Variants in GALNT7 observed in about 807,000 individuals in gnomAD.
The protein encoded by GALNT7 is N-acetylgalactosaminyltransferase 7.
A neutral mutation model predicts 82.1 loss-of-function variants in GALNT7; 60 were observed. The observed-to-expected ratio is 0.73, with a 90% confidence interval of 0.59 to 0.91. The LOEUF (loss-of-function observed/expected upper bound fraction) is 0.91, where lower values mean the gene tolerates loss of function less well. GALNT7 is among the 40% of genes least tolerant of loss of function. The pLI, the probability that GALNT7 is intolerant of heterozygous loss-of-function variation, is 0.00. For synonymous variants in GALNT7, 243 were observed against 275.1 expected, an observed-to-expected ratio of 0.88 and a Z score of 1.15; for missense variants, 660 against 804.2, an observed-to-expected ratio of 0.82 and a Z score of 2.17.
chr4:173,306,647 A>G (rs1737165684), intron 8 of GALNT7, among the ~76,000 whole-genome samples: 1 of 152,218 alleles, frequency 6.6e-6, no homozygotes, highest in Non-Finnish European at 1.5e-5. Flanking sequence ...AATGTGGAGT[A>G]TCACATTTAC....
At chr4:173,211,070 A>G (rs1313168328) in intron 1 of GALNT7, among the ~76,000 whole-genome samples, 1 of 152,116 alleles carries the variant, frequency 6.6e-6, no homozygotes, top group East Asian at 1.9e-4. Context: ...TGTGTATTTT[A>G]TACTTCCAGT....
chr4:173,226,349 G>C (rs867352319), intron 1 of GALNT7, among the ~76,000 whole-genome samples: 1 of 151,846 alleles, frequency 6.6e-6, no homozygotes, highest in Admixed American at 6.6e-5. Context: ...ATATTACATC[G>C]GATAAACCAA....
intron 1 of GALNT7, among the ~76,000 whole-genome samples, chr4:173,202,583 C>A (rs558026343): frequency 6.6e-6 from 1 of 152,196 alleles, no homozygotes; most frequent in Non-Finnish European, 1.5e-5. Context: ...CAAATCCTGC[C>A]TCCTCCAGGA....
At chr4:173,289,607 A>G (rs1216614306) in intron 2 of GALNT7, among the ~76,000 whole-genome samples, 2 of 152,220 alleles carry the variant, frequency 1.3e-5, no homozygotes, top group African/African-American at 4.8e-5. Flanking sequence ...GGCACGCACA[A>G]AGTGCTGCTT....
chr4:173,255,847 C>T (rs978557457), intron 2 of GALNT7, among the ~76,000 whole-genome samples: 2 of 152,224 alleles, frequency 1.3e-5, no homozygotes, highest in Non-Finnish European at 2.9e-5. Flanking sequence ...GCCCCTTTCC[C>T]TCAGTGGGTC....
At chr4:173,172,199 A>C (rs892211554) in intron 1 of GALNT7, among the ~76,000 whole-genome samples, 6 of 152,240 alleles carry the variant, frequency 3.9e-5, no homozygotes, top group Admixed American at 2.0e-4. Context: ...ATACATTGGC[A>C]TGATTCCAGG....
chr4:173,245,355 A>C (rs999436749), intron 1 of GALNT7, among the ~76,000 whole-genome samples: 1 of 152,166 alleles, frequency 6.6e-6, no homozygotes, highest in African/African-American at 2.4e-5. Flanking sequence ...AACCTAAACT[A>C]TGGCGTGTAT....
At chr4:173,289,183 A>G (rs1396429938) in intron 2 of GALNT7, among the ~76,000 whole-genome samples, 2 of 152,118 alleles carry the variant, frequency 1.3e-5, no homozygotes, top group Non-Finnish European at 2.9e-5. Flanking sequence ...TGTGAAAGGA[A>G]ACTGGATTGG....
At chr4:173,290,641 T>C (rs898155239) in intron 2 of GALNT7, among the ~76,000 whole-genome samples, 2 of 152,226 alleles carry the variant, frequency 1.3e-5, no homozygotes, top group Non-Finnish European at 2.9e-5. Flanking sequence ...CACCTTTATG[T>C]CGTAAACTTC....
chr4:173,192,423 C>T (rs1224506112), intron 1 of GALNT7, among the ~76,000 whole-genome samples: 1 of 152,164 alleles, frequency 6.6e-6, no homozygotes, highest in East Asian at 1.9e-4. Context: ...AAAGCCGTCT[C>T]ATCCCTGTTT....
At chr4:173,227,498 A>T (rs1248177936) in intron 1 of GALNT7, among the ~76,000 whole-genome samples, 3 of 151,836 alleles carry the variant, frequency 2.0e-5, no homozygotes, top group Non-Finnish European at 4.4e-5. Context: ...CACCTGGCTA[A>T]TTTTTTTTAT....
chr4:173,209,795 C>T (rs1200282187), intron 1 of GALNT7, among the ~76,000 whole-genome samples: 1 of 152,094 alleles, frequency 6.6e-6, no homozygotes, highest in Non-Finnish European at 1.5e-5. Flanking sequence ...AGTTTGTGAC[C>T]TCAGGTGCCT....
At chr4:173,205,800 G>C (rs1167543163) in intron 1 of GALNT7, among the ~76,000 whole-genome samples, 2 of 152,126 alleles carry the variant, frequency 1.3e-5, no homozygotes, top group African/African-American at 2.4e-5. Flanking sequence ...GGGTGGCATG[G>C]AGCCTATACC....
Position 173,197,379 on chromosome 4 carries a change from G to A in GALNT7, c.126+28418G>A, listed in dbSNP as rs114146495. ...TATATGAAGGAACAGAAAGCATGGG[G>A]ATAAGTTTTATACACCCTAGAGTGG... is the stretch of plus-strand genomic sequence containing the variant. On this transcript the variant is annotated intron_variant, in intron 1 of 11. Coordinates refer to ENST00000265000, the MANE Select transcript of GALNT7 (RefSeq NM_017423.3). 3.9e-3 allele frequency among the ~76,000 whole-genome samples: 587 copies of A among 152,232 alleles called. 3 individuals carry two copies. The highest frequency in any genetic ancestry group is 0.01 in the South Asian group (49 of 4,810).
At chr4:173,226,040 G>T (rs770728991) in intron 1 of GALNT7, among the ~76,000 whole-genome samples, 1 of 152,098 alleles carries the variant, frequency 6.6e-6, no homozygotes, top group Non-Finnish European at 1.5e-5. Flanking sequence ...GCTTGATCTT[G>T]GATGGGGACC....
At chr4:173,236,471 C>G (rs1020831069) in intron 1 of GALNT7, among the ~76,000 whole-genome samples, 2 of 152,086 alleles carry the variant, frequency 1.3e-5, no homozygotes, top group African/African-American at 4.8e-5. Flanking sequence ...TTGCTCTATC[C>G]GAGTACTCAT....
intron 1 of GALNT7, among the ~76,000 whole-genome samples, chr4:173,208,717 C>G (rs1170120667): frequency 1.3e-5 from 2 of 152,140 alleles, no homozygotes; most frequent in African/African-American, 4.8e-5. Context: ...CTCCTTGTAC[C>G]TCCGTCTTTT....
At chr4:173,227,128 C>T (rs1320857871) in intron 1 of GALNT7, among the ~76,000 whole-genome samples, 1 of 152,024 alleles carries the variant, frequency 6.6e-6, no homozygotes, top group Non-Finnish European at 1.5e-5. Flanking sequence ...TTCCTTGCTT[C>T]CAATTTACCA....
intron 2 of GALNT7, among the ~76,000 whole-genome samples, chr4:173,260,587 T>C (rs1245986691): frequency 4.6e-5 from 7 of 152,216 alleles, no homozygotes; most frequent in Admixed American, 4.6e-4. Flanking sequence ...CCATGTGTTT[T>C]ATTTTGTTTT....
Sources: allele counts gnomAD v4.1 joint callset (sites outside exome capture counted in the v4.1 genomes callset), GRCh38; gene constraint gnomAD v4.1.1; transcripts MANE v1.5; gene names NCBI Gene and HGNC (gene_info 2026-07-23, HGNC 2026-07-21).